The following ARF4 variants were observed in gnomAD, a reference collection of about 807,000 sequenced individuals.
ARF4 encodes ADP-ribosylation factor 4.
Under a neutral mutation model 24.3 loss-of-function variants are expected in ARF4, and 5 were observed. The observed-to-expected ratio is 0.21, with a 90% CI of 0.11 to 0.43. The LOEUF is 0.43. Ranked by LOEUF, ARF4 falls within the 20% of genes least tolerant of loss-of-function variation. The pLI, the probability that ARF4 is intolerant of heterozygous loss-of-function variation, is 1.00. For synonymous variants in ARF4, 62 were observed against 73.5 expected (o/e 0.84, Z 0.80); for missense variants, 107 against 213.0 (o/e 0.50, Z 3.10).
At position 57,584,384 on chromosome 3, in the gene ARF4, C is replaced by A; in HGVS notation, c.148G>T (p.Gly50Cys). The A allele has an allele frequency of 6.2e-7, 1 of 1,604,980 alleles. No individual in the cohort carries two copies. The highest frequency in any genetic ancestry group is 8.5e-7 in the Non-Finnish European group (1 of 1,172,350). ...GEIVTTIPTI[G>C]FNVETVEYKN... ...TAAAGTCATCTGTAAACTTTCTTAC[C>A]AATGGTAGGAATGGTGGTGACTATC... The change falls in exon 2 of 6, where the codon GGT becomes TGT. Residue 50 changes from glycine (G) to cysteine (C), a missense_variant and splice_region_variant. Gly to Cys is a radical substitution (Grantham distance 159). Transcript: ENST00000303436.
chr3:57,573,010 G>A (rs746558981), intron 5 of ARF4, among the ~76,000 whole-genome samples: 1 of 152,000 alleles, frequency 6.6e-6, no homozygotes, highest in Non-Finnish European at 1.5e-5. Flanking sequence ...AGACCTTCCT[G>A]GCTAACGCAG....
Position 57,597,059 on chromosome 3 carries a change from C to G in ARF4, c.67+15G>C. On this transcript the variant is annotated intron_variant, in intron 1 of 5. Transcript: ENST00000303436. ...CCTTTCCCAGGTCCCGCCTGACTCG[C>G]AGCCCCTCACTCACCCATCAAAATG... The G allele has an allele frequency of 6.2e-7, 1 of 1,613,460 alleles. No homozygotes were observed. The highest frequency in any genetic ancestry group is 8.5e-7 in the Non-Finnish European group (1 of 1,179,392).
chr3:57,595,952 CAA>C (rs1418504496), intron 1 of ARF4, among the ~76,000 whole-genome samples: 25 of 129,538 alleles, frequency 1.9e-4, no homozygotes, highest in Admixed American at 1.6e-4. Context: ...ACTCCGTCTG[CAA>C]AAAAAAAAAA....
intron 3 of ARF4, among the ~76,000 whole-genome samples, chr3:57,581,066 C>G (rs2069965139): frequency 6.6e-6 from 1 of 152,154 alleles, no homozygotes; most frequent in Non-Finnish European, 1.5e-5. Flanking sequence ...AGCCCAGCTG[C>G]TATGAAATTA....
intron 2 of ARF4, 81 bp downstream of exon 2, chr3:57,584,301 CAA>C: frequency 8.0e-7 from 1 of 1,249,364 alleles, no homozygotes; most frequent in South Asian, 1.3e-5. Flanking sequence ...ACATGCTTAA[CAA>C]AAAGACAATC....
At chr3:57,592,606 C>T (rs1165761713) in intron 1 of ARF4, among the ~76,000 whole-genome samples, 7 of 152,160 alleles carry the variant, frequency 4.6e-5, no homozygotes, top group Admixed American at 1.3e-4. Context: ...GAAACATCTA[C>T]ATTTTTATCA....
intron 3 of ARF4, among the ~76,000 whole-genome samples, chr3:57,579,480 A>C (rs2069945621): frequency 6.6e-6 from 1 of 151,466 alleles, no homozygotes; most frequent in Non-Finnish European, 1.5e-5. Flanking sequence ...TAGAGATGAG[A>C]TTTTACTATG....
In ARF4 at chr3:57,575,527, T is replaced by C. The variant is rs754966249; in HGVS notation, c.456+21A>G. The C allele has an allele frequency of 8.1e-6, 13 of 1,601,970 alleles. No individual in the cohort carries two copies. In the East Asian group the frequency reaches 2.9e-4, roughly 36 times the overall value. On this transcript the variant is annotated intron_variant, in intron 5 of 5. Coordinates refer to ENST00000303436, the MANE Select transcript of ARF4 (RefSeq NM_001660.4). ...TAAGTCTTAATAGTCAAGAGGTTAA[T>C]ATCAACCTCCAAATACTTACTGTTC...
Position 57,572,202 on chromosome 3 carries a change from C to T in ARF4, c.*10G>A. On this transcript the variant is annotated 3_prime_UTR_variant, in exon 6 of 6. Transcript: ENST00000303436. ...ATCAAACATGTCCTTGGTTAGATAT[C>T]CAATTTCATTTAACGTTTTGAAAGC... The T allele has an allele frequency of 6.2e-7, 1 of 1,608,296 alleles. No homozygotes were observed. The highest frequency in any genetic ancestry group is 8.5e-7 in the Non-Finnish European group (1 of 1,174,966).
At chr3:57,595,957 A>G (rs1697452099) in intron 1 of ARF4, among the ~76,000 whole-genome samples, 1 of 152,004 alleles carries the variant, frequency 6.6e-6, no homozygotes, top group Admixed American at 6.6e-5. Context: ...GTCTGCAAAA[A>G]AAAAAAAGGA....
chr3:57,574,934 C>T (rs775001104), intron 5 of ARF4, among the ~76,000 whole-genome samples: 2 of 151,748 alleles, frequency 1.3e-5, no homozygotes, highest in East Asian at 2.0e-4. Context: ...CCGCAACCTC[C>T]ACCTCCTGGG....
chr3:57,580,654 A>G (rs773738231), intron 3 of ARF4, among the ~76,000 whole-genome samples: 28 of 151,940 alleles, frequency 1.8e-4, no homozygotes, highest in African/African-American at 3.1e-4. Flanking sequence ...ATGGCCTCCC[A>G]AAGTGTTGGT....
At chr3:57,583,205 T>C (rs959875664) in intron 3 of ARF4, among the ~76,000 whole-genome samples, 1 of 152,222 alleles carries the variant, frequency 6.6e-6, no homozygotes, top group Non-Finnish European at 1.5e-5. Flanking sequence ...CTAGGACCTA[T>C]GGACTCAATG....
At chr3:57,580,706 C>CT (rs1488213404) in intron 3 of ARF4, among the ~76,000 whole-genome samples, 3 of 151,986 alleles carry the variant, frequency 2.0e-5, no homozygotes, top group Non-Finnish European at 4.4e-5. Flanking sequence ...GAAACCTACC[C>CT]TTTACAAGAG....
At chr3:57,580,620 C>A (rs772503083) in intron 3 of ARF4, among the ~76,000 whole-genome samples, 19 of 151,912 alleles carry the variant, frequency 1.3e-4, no homozygotes, top group Admixed American at 4.6e-4. Context: ...GTTGCCTGGA[C>A]TGGCCTCAAG....
At chr3:57,584,320 CTAGACT>C (rs1366192336) in intron 2 of ARF4, 58 bp downstream of exon 2, 2 of 1,326,046 alleles carry the variant, frequency 1.5e-6, no homozygotes, top group Non-Finnish European at 2.1e-6. Context: ...AATCTCAAAA[CTAGACT>C]GTATATATTT....
chr3:57,590,854 A>T (rs1317027852), intron 1 of ARF4, among the ~76,000 whole-genome samples: 2 of 152,042 alleles, frequency 1.3e-5, no homozygotes, highest in East Asian at 3.9e-4. Context: ...AATTTTTAAA[A>T]TTTTTTTGTA....
chr3:57,583,078 C>A (rs1459157595), intron 3 of ARF4, among the ~76,000 whole-genome samples: 1 of 152,044 alleles, frequency 6.6e-6, no homozygotes, highest in African/African-American at 2.4e-5. Flanking sequence ...CTCCCCATAC[C>A]CAACAACAAA....
In ARF4 at chr3:57,590,132, T is replaced by TAAATAAATAAAA. The variant is rs1345672681; in HGVS notation, c.68-5669_68-5668insTTTTATTTATTT. Reference sequence around the variant, plus strand: ...ATAAATAAATAAATAAATAAATAAATAAAACAAAAAACAAAAAAAGAACAT... The same window carrying TAAATAAATAAAA: ...ATAAATAAATAAATAAATAAATAAATAAATAAATAAAAAAAACAAAAAACAAAAAAAGAACAT... On this transcript the variant is annotated intron_variant, in intron 1 of 5. Coordinates refer to ENST00000303436, the MANE Select transcript of ARF4 (RefSeq NM_001660.4). 1.3e-3 allele frequency among the ~76,000 whole-genome samples: 178 copies of TAAATAAATAAAA among 136,300 alleles called. 1 individual carries two copies. Among genetic ancestry groups the TAAATAAATAAAA allele is most frequent in the Non-Finnish European group, 2.2e-3 (138 of 62,426 alleles). The allele number at this position is 136,300 out of a possible 152,430, so 89.4% of individuals were successfully genotyped here.
Sources: allele counts gnomAD v4.1 joint callset (sites outside exome capture counted in the v4.1 genomes callset), GRCh38; gene constraint gnomAD v4.1.1; transcripts MANE v1.5; gene names NCBI Gene and HGNC (gene_info 2026-07-23, HGNC 2026-07-21).